The following FOXP1 variants were observed in gnomAD, a reference collection of about 807,000 sequenced individuals.
The protein encoded by FOXP1 is forkhead box protein P1.
FOXP1 carries 15 observed loss-of-function variants against 98.2 expected under a neutral mutation model. That is an observed-to-expected ratio of 0.15 (90% confidence interval 0.10 to 0.24). FOXP1 has a LOEUF of 0.24. Ranked by LOEUF, FOXP1 falls within the 10% of genes least tolerant of loss-of-function variation. The pLI is 1.00. For missense variants in FOXP1, 633 were observed against 848.5 expected, an observed-to-expected ratio of 0.75 and a Z score of 3.15; for synonymous variants, 371 against 314.5, an observed-to-expected ratio of 1.18 and a Z score of -1.90.
chr3:71,037,944 C>G (rs2047827566), intron 11 of FOXP1, among the ~76,000 whole-genome samples: 1 of 152,206 alleles, frequency 6.6e-6, no homozygotes, highest in Admixed American at 6.5e-5. Flanking sequence ...TCTCTACACT[C>G]AAGGGTTTAC....
chr3:71,067,477 C>G (rs2052658109), intron 7 of FOXP1, among the ~76,000 whole-genome samples: 1 of 152,064 alleles, frequency 6.6e-6, no homozygotes, highest in Admixed American at 6.5e-5. Flanking sequence ...GAAAGGCCAA[C>G]AAAAAAATTT....
At chr3:71,084,218 A>G (rs1307058943) in intron 7 of FOXP1, among the ~76,000 whole-genome samples, 1 of 152,170 alleles carries the variant, frequency 6.6e-6, no homozygotes, top group Non-Finnish European at 1.5e-5. Context: ...CTATTCACCA[A>G]GCCCTGGGAA....
intron 4 of FOXP1, among the ~76,000 whole-genome samples, chr3:71,305,041 T>A (rs903914906): frequency 6.6e-6 from 1 of 152,030 alleles, no homozygotes; most frequent in Non-Finnish European, 1.5e-5. Flanking sequence ...CACTCTACCC[T>A]CAAAAAGAAA....
intron 3 of FOXP1, among the ~76,000 whole-genome samples, chr3:71,413,225 CCCCCCAAATAGACACACACACAT>C (rs2082913046): frequency 1.5e-5 from 1 of 65,566 alleles, no homozygotes; most frequent in Non-Finnish European, 2.8e-5. Context: ...ACACACACAC[CCCCCCAAATAGACACACACACAT>C]CCCCCAAATA....
rs562031005 is a variant in FOXP1, at chr3:71,381,536, C to T, written c.-167-22292G>A. The stretch of plus-strand genomic sequence containing the variant: ...CAGCTCACTGCGGCCTCAACCTCCT[C>T]GGGTTCAAGTGAGCCGCCTACCTCA... On this transcript the variant is annotated intron_variant, in intron 3 of 20. Coordinates refer to ENST00000649528, the MANE Select transcript of FOXP1 (RefSeq NM_001349338.3). Among the ~76,000 whole-genome samples the T allele has an allele frequency of 3.3e-5, 5 of 150,232 alleles. No individual in the cohort carries two copies. The South Asian group carries it at 6.3e-4, about 19-fold the overall frequency.
intron 2 of FOXP1, among the ~76,000 whole-genome samples, chr3:71,508,046 A>G (rs142841766): frequency 1.6e-3 from 248 of 152,358 alleles, no homozygotes; most frequent in African/African-American, 5.7e-3. Flanking sequence ...CCAAATACAC[A>G]CAACTAGTAA....
chr3:71,139,844 C>T (rs1044018793), intron 6 of FOXP1, among the ~76,000 whole-genome samples: 10 of 152,044 alleles, frequency 6.6e-5, no homozygotes, highest in African/African-American at 9.7e-5. Context: ...AGTTGCTTTC[C>T]GGACTGGATA....
chr3:71,069,672 T>C (rs1320607696), intron 7 of FOXP1, among the ~76,000 whole-genome samples: 1 of 152,172 alleles, frequency 6.6e-6, no homozygotes, highest in East Asian at 1.9e-4. Flanking sequence ...AATTTGTTAT[T>C]TCCCTCCCGA....
At chr3:71,149,350 A>G (rs368228733) in intron 6 of FOXP1, among the ~76,000 whole-genome samples, 1 of 152,224 alleles carries the variant, frequency 6.6e-6, no homozygotes, top group East Asian at 1.9e-4. Context: ...TATTTAATAG[A>G]GTCTAAAGTA....
At chr3:71,490,357 G>A (rs939716034) in intron 3 of FOXP1, among the ~76,000 whole-genome samples, 1 of 152,124 alleles carries the variant, frequency 6.6e-6, no homozygotes. Context: ...AATTAGCTGG[G>A]TGTGGTGGTG....
At chr3:71,216,724 G>A (rs1334641922) in intron 5 of FOXP1, among the ~76,000 whole-genome samples, 1 of 152,068 alleles carries the variant, frequency 6.6e-6, no homozygotes, top group Non-Finnish European at 1.5e-5. Flanking sequence ...AAAATGCAAA[G>A]TATGAGGGAA....
chr3:71,542,253 G>T (rs1332734257), intron 2 of FOXP1, among the ~76,000 whole-genome samples: 2 of 152,084 alleles, frequency 1.3e-5, no homozygotes, highest in Non-Finnish European at 2.9e-5. Context: ...AACACCATAG[G>T]TCTTTTTAGC....
At chr3:71,157,128 G>T (rs544508338) in intron 6 of FOXP1, among the ~76,000 whole-genome samples, 26 of 152,346 alleles carry the variant, frequency 1.7e-4, no homozygotes, top group African/African-American at 6.0e-4. Flanking sequence ...GTGGCTTCAG[G>T]TCTGGATCTA....
chr3:71,357,464 T>C lies in FOXP1; in HGVS notation c.-73+1686A>G, dbSNP rs143917254. Among the ~76,000 whole-genome samples, 698 of 152,340 alleles carry C rather than the reference T, an allele frequency of 4.6e-3. 5 individuals carry two copies. The highest frequency in any genetic ancestry group is 0.01 in the Middle Eastern group (3 of 294). On this transcript the variant is annotated intron_variant, in intron 4 of 20. Coordinates refer to ENST00000649528, the MANE Select transcript of FOXP1 (RefSeq NM_001349338.3). ...ATTGAAAATAAATAAAAATTAAACATGTAAGCAAAATTGACAGCATGATTT... is the reference window on the plus strand; with the variant it reads ...ATTGAAAATAAATAAAAATTAAACACGTAAGCAAAATTGACAGCATGATTT...
In FOXP1 at chr3:71,396,973, T is replaced by C. The variant is rs866686042; in HGVS notation, c.-167-37729A>G. Among the ~76,000 whole-genome samples, 84 of 27,324 alleles carry C rather than the reference T, an allele frequency of 3.1e-3. 8 individuals carry two copies. Among genetic ancestry groups the C allele is most frequent in the East Asian group, 5.1e-3 (20 of 3,926 alleles). The allele number at this position is 27,324 out of a possible 152,430, so 17.9% of individuals were successfully genotyped here. On this transcript the variant is annotated intron_variant, in intron 3 of 20. Coordinates refer to ENST00000649528, the MANE Select transcript of FOXP1 (RefSeq NM_001349338.3). ...GTGTATATATATATATGTGTGTATATATATATATGTGTATATATATACACA... is the reference window on the plus strand; with the variant it reads ...GTGTATATATATATATGTGTGTATACATATATATGTGTATATATATACACA...
chr3:71,582,327 C>T, intron 1 of FOXP1: 1 of 966,676 alleles, frequency 1.0e-6, no homozygotes, highest in Non-Finnish European at 1.2e-6. Flanking sequence ...GCGGAGGCAG[C>T]AAATGACCGC....
At chr3:71,408,538 C>T (rs1029179001) in intron 3 of FOXP1, among the ~76,000 whole-genome samples, 2 of 152,036 alleles carry the variant, frequency 1.3e-5, no homozygotes, top group Non-Finnish European at 2.9e-5. Flanking sequence ...CCCAATGGGC[C>T]GATACCAACA....
intron 4 of FOXP1, among the ~76,000 whole-genome samples, chr3:71,328,790 T>C (rs913948088): frequency 6.6e-6 from 1 of 151,852 alleles, no homozygotes; most frequent in African/African-American, 2.4e-5. Flanking sequence ...CTGACCAACA[T>C]GGAGAAACCC....
At chr3:71,511,216 C>T (rs1340566113) in intron 2 of FOXP1, among the ~76,000 whole-genome samples, 1 of 152,106 alleles carries the variant, frequency 6.6e-6, no homozygotes, top group East Asian at 1.9e-4. Flanking sequence ...GTTTATGTCC[C>T]CTGCAGAGCC....
Sources: gnomAD v4.1 joint callset for allele counts (sites outside exome capture counted in the v4.1 genomes callset) on GRCh38, gnomAD v4.1.1 for gene constraint, MANE v1.5 for transcripts, NCBI Gene and HGNC (gene_info 2026-07-23, HGNC 2026-07-21) for gene names.